Variants in IGDCC4 observed in about 807,000 individuals in gnomAD.
The protein encoded by IGDCC4 is immunoglobulin superfamily DCC subclass member 4.
Under a neutral mutation model 116.6 loss-of-function variants are expected in IGDCC4, and 72 were observed. The observed-to-expected ratio is 0.62, with a 90% CI of 0.51 to 0.75. The LOEUF (loss-of-function observed/expected upper bound fraction) is 0.75, where lower values mean the gene tolerates loss of function less well. Ranked by LOEUF, IGDCC4 falls within the 30% of genes least tolerant of loss-of-function variation. The pLI, the probability that IGDCC4 is intolerant of heterozygous loss-of-function variation, is 0.00. For missense variants in IGDCC4, 1,501 were observed against 1,662.4 expected (o/e 0.90, Z 1.69); for synonymous variants, 709 against 719.9 (o/e 0.98, Z 0.24).
In IGDCC4 at chr15:65,411,068, C is replaced by A. The variant is rs199723005; in HGVS notation, c.373G>T (p.Gly125Cys). ...TGGCTGGCCAGCACTCCGAGGGGGC[C>A]GTGGGCTAGGCACGAATAGTTGCCT... ...IEGNYSCLAH[G>C]PLGVLASQTA... Residue 125 changes from glycine (G) to cysteine (C), a missense_variant, in exon 2 of 20, where the codon GGC becomes TGC. Gly to Cys is a radical substitution (Grantham distance 159). This residue lies in a region of IGDCC4 where 898 missense variants were observed against 978.9 expected (regional missense o/e 0.92). Coordinates refer to ENST00000352385, the MANE Select transcript of IGDCC4 (RefSeq NM_020962.3). The A allele has an allele frequency of 8.6e-5, 138 of 1,613,988 alleles. No individual in the cohort carries two copies. Among genetic ancestry groups the A allele is most frequent in the Non-Finnish European group, 1.1e-4 (132 of 1,179,934 alleles).
At chr15:65,385,322 G>C (rs2091444754) in intron 18 of IGDCC4, 1 of 590,848 alleles carries the variant, frequency 1.7e-6, no homozygotes, top group South Asian at 2.2e-5. Flanking sequence ...TCCTGCAGAG[G>C]AGCGGAACAC....
chr15:65,397,666 T>TAAAA (rs59114878), intron 5 of IGDCC4, among the ~76,000 whole-genome samples: 1 of 114,640 alleles, frequency 8.7e-6, no homozygotes, highest in East Asian at 2.2e-4. Context: ...TCCGTCTCTA[T>TAAAA]AAAAAAAAAA....
chr15:65,411,216 A>G lies in IGDCC4; in HGVS notation c.225T>C (p.Asp75=), dbSNP rs2063089947. Residue 75 remains aspartate (D), a synonymous_variant, in exon 2 of 20, where the codon GAT becomes GAC. Transcript: ENST00000352385. ...GPPTRVTWSK[D]GDTLLEHDHL... ...GGTCGTGCTCCAGCAGGGTGTCCCC[A>G]TCCTTGCTCCAGGTCACCCTGGTGG... 6.2e-7 allele frequency: 1 copy of G among 1,614,016 alleles called. No individual in the cohort carries two copies. Among genetic ancestry groups the G allele is most frequent in the Admixed American group, 1.7e-5 (1 of 60,004 alleles).
intron 1 of IGDCC4, among the ~76,000 whole-genome samples, chr15:65,417,875 A>T (rs28683576): frequency 0.23 from 34,208 of 151,794 alleles, 4,759 homozygotes; most frequent in East Asian, 0.72. Context: ...GGATTACAGG[A>T]GTGAGCCACC....
At position 65,388,830 on chromosome 15, in the gene IGDCC4, C is replaced by G; in HGVS notation, c.2685G>C (p.Gln895His). 6.2e-7 allele frequency: 1 copy of G among 1,614,090 alleles called. No homozygotes were observed. Among genetic ancestry groups the G allele is most frequent in the South Asian group, 1.1e-5 (1 of 91,084 alleles). The change falls in exon 15 of 20, where the codon CAG (glutamine) becomes CAC (histidine). Residue 895 changes from glutamine to histidine, a missense_variant. Transcript: ENST00000352385. ...CACCCTGCGTGGTGAGCAAGGTCCA[C>G]TGGTGCTCAGGCTGCGTGTGGTTGC... ...YSSNHTQPEH[Q>H]WTLLTTQGNI... is the part of the protein sequence containing the mutation.
rs934828846 is a variant in IGDCC4 at position 65,382,270 on chromosome 15, T to C, written c.*1739A>G. The C allele has an allele frequency of 1.3e-5, 2 of 152,344 alleles. No homozygotes were observed. Among genetic ancestry groups the C allele is most frequent in the South Asian group, 2.1e-4 (1 of 4,822 alleles). The allele number at this position is 152,344 out of a possible 1,614,324, so 9.4% of individuals were successfully genotyped here. On this transcript the variant is annotated 3_prime_UTR_variant, in exon 20 of 20. Transcript: ENST00000352385. ...ACATTAATAATCTTTAGTGTTATCA[T>C]AGGCTGGCTGAAGGAGGGGGAGGAG...
rs138636327 is a variant in IGDCC4 at position 65,402,465 on chromosome 15, C to T, written c.586G>A (p.Val196Ile). ...EPRLIVLPNG[V>I]LQILDVQESD... ...TCCTGAACATCCAGGATCTGAAGGACGCCGTTGGGAAGCACGATGAGCCTT... is the reference window on the plus strand; with the variant it reads ...TCCTGAACATCCAGGATCTGAAGGATGCCGTTGGGAAGCACGATGAGCCTT... Residue 196 changes from valine to isoleucine, a missense_variant, in exon 4 of 20, where the codon GTC becomes ATC. Coordinates refer to ENST00000352385, the MANE Select transcript of IGDCC4 (RefSeq NM_020962.3). The T allele has an allele frequency of 3.8e-3, 5,957 of 1,567,094 alleles. 29 individuals are homozygous for T. Among genetic ancestry groups the T allele is most frequent in the Non-Finnish European group, 4.1e-3 (4,733 of 1,155,166 alleles).
intron 1 of IGDCC4, among the ~76,000 whole-genome samples, chr15:65,421,601 C>A (rs2063190974): frequency 1.3e-5 from 2 of 152,022 alleles, no homozygotes; most frequent in East Asian, 1.9e-4. Context: ...GAGGCTCCTT[C>A]CCCCCGCCTC....
intron 5 of IGDCC4, among the ~76,000 whole-genome samples, chr15:65,399,668 A>T (rs1280022787): frequency 6.6e-6 from 1 of 152,178 alleles, no homozygotes; most frequent in South Asian, 2.1e-4. Flanking sequence ...CCAATGAGGC[A>T]GTGCAGGTCA....
chr15:65,399,687 C>T (rs139259799), intron 5 of IGDCC4, among the ~76,000 whole-genome samples: 4 of 152,002 alleles, frequency 2.6e-5, no homozygotes, highest in African/African-American at 7.3e-5. Flanking sequence ...CAGATAGGTG[C>T]GAAAATGCCA....
chr15:65,399,447 C>CAAAAAAAAAAAAAAAAAAAAAAAAAA, intron 5 of IGDCC4, among the ~76,000 whole-genome samples: 1 of 71,182 alleles, frequency 1.4e-5, no homozygotes, highest in Non-Finnish European at 3.3e-5. Context: ...GGGTGACAGG[C>CAAAAAAAAAAAAAAAAAAAAAAAAAA]AAAAAAAAAA....
In IGDCC4 at chr15:65,396,091, C is replaced by A; in HGVS notation, c.1070G>T (p.Arg357Leu). The A allele has an allele frequency of 7.2e-7, 1 of 1,385,580 alleles. No homozygotes were observed. The allele number at this position is 1,385,580 out of a possible 1,614,324, so 85.8% of individuals were successfully genotyped here. Residue 357 changes from arginine to leucine, a missense_variant, in exon 7 of 20, where the codon CGC becomes CTC. This residue lies in a region of IGDCC4 where 898 missense variants were observed against 978.9 expected (regional missense o/e 0.92). Coordinates refer to ENST00000352385, the MANE Select transcript of IGDCC4 (RefSeq NM_020962.3). ...CGCTGGCCGCGGCTCCCCCGACGCG[C>A]GGCACACGAAGCGCGCTGTGCTCGC... ...TRASTARFVC[R>L]ASGEPRPALR... is the part of the protein sequence containing the mutation.
intron 2 of IGDCC4, 134 bp downstream of exon 2, chr15:65,410,886 C>A (rs957176854): frequency 2.5e-4 from 163 of 661,118 alleles, no homozygotes; most frequent in Non-Finnish European, 3.6e-4. Context: ...ACCTATTGAG[C>A]AGGATGGGAG....
At position 65,394,520 on chromosome 15, in the gene IGDCC4, C is replaced by T; in HGVS notation, c.1605G>A (p.Leu535=). 8 of 1,610,860 alleles carry T rather than the reference C, an allele frequency of 5.0e-6. No homozygotes were observed. The highest frequency in any genetic ancestry group is 6.8e-6 in the Non-Finnish European group (8 of 1,178,194). The change falls in exon 9 of 20, where the codon CTG becomes CTA. Residue 535 remains leucine (L), a synonymous_variant. Coordinates refer to ENST00000352385, the MANE Select transcript of IGDCC4 (RefSeq NM_020962.3). ...TGATGTCCGAAGGGTTGGGGCTGGA[C>T]AGGGAGAGCTGGGGTGCTGCACTGG... ...DVPSAAPQLS[L]SSPNPSDIRV...
Position 65,391,939 on chromosome 15 carries a change from T to G in IGDCC4, c.2165A>C (p.Lys722Thr), listed in dbSNP as rs780953330. 1.9e-6 allele frequency: 3 copies of G among 1,613,636 alleles called. No homozygotes were observed. In the African/African-American group the frequency reaches 4.0e-5, roughly 22 times the overall value. The change falls in exon 12 of 20, where the codon AAA (lysine) becomes ACA (threonine). Residue 722 changes from lysine to threonine, a missense_variant. Physicochemically the swap from Lys to Thr is moderately conservative, Grantham distance 78. Transcript: ENST00000352385. Reference sequence around the variant, plus strand: ...CACTGCTGCATAGCCATCCTCATGTTTGTTGAAAGCCACGAGCTTCACCTC... The same window carrying G: ...CACTGCTGCATAGCCATCCTCATGTGTGTTGAAAGCCACGAGCTTCACCTC... Reference protein sequence around the residue: ...LYEVKLVAFNKHEDGYAAVWK... With the variant: ...LYEVKLVAFNTHEDGYAAVWK...
At chr15:65,419,295 C>T (rs950279603) in intron 1 of IGDCC4, among the ~76,000 whole-genome samples, 6 of 149,764 alleles carry the variant, frequency 4.0e-5, no homozygotes, top group Non-Finnish European at 8.9e-5. Context: ...GTCTCAAACT[C>T]AGCTCAAGCG....
chr15:65,391,767 G>A (rs1291396183), intron 12 of IGDCC4, 113 bp downstream of exon 12: 8 of 895,296 alleles, frequency 8.9e-6, no homozygotes, highest in Non-Finnish European at 1.2e-5. Context: ...TTGGGCATGA[G>A]CTGAGGCTAC....
At chr15:65,385,710 C>T in intron 18 of IGDCC4, 121 bp downstream of exon 18, 1 of 839,012 alleles carries the variant, frequency 1.2e-6, no homozygotes, top group East Asian at 2.5e-5. Flanking sequence ...GAGAGAGGCC[C>T]TAGCGTCCGC....
At chr15:65,404,524 G>A (rs767775498) in intron 3 of IGDCC4, among the ~76,000 whole-genome samples, 6 of 151,904 alleles carry the variant, frequency 3.9e-5, no homozygotes, top group Non-Finnish European at 7.4e-5. Flanking sequence ...TTCCTCCCTC[G>A]AACTAGCGAG....
Sources: allele counts gnomAD v4.1 joint callset (sites outside exome capture counted in the v4.1 genomes callset), GRCh38; gene constraint gnomAD v4.1.1; regional missense constraint gnomAD v4.1.1; transcripts MANE v1.5; gene names NCBI Gene and HGNC (gene_info 2026-07-23, HGNC 2026-07-21).